The following ROS1 variants were observed in gnomAD, a reference collection of about 807,000 sequenced individuals.
ROS1 encodes ROS proto-oncogene 1, receptor tyrosine kinase, also known as proto-oncogene tyrosine-protein kinase ROS.
In ROS1, 263 loss-of-function variants were observed where a neutral mutation model predicts 273.5. The ratio of observed to expected loss-of-function variants is 0.96; its 90% CI spans 0.87 to 1.06. The LOEUF (loss-of-function observed/expected upper bound fraction) is 1.06, where lower values mean the gene tolerates loss of function less well. ROS1 is among the 50% of genes least tolerant of loss of function. The probability of loss-of-function intolerance (pLI) is 0.00; values close to 1 mark genes in which losing one functional copy is unlikely to be tolerated. For synonymous variants in ROS1, 1,008 were observed against 954.1 expected, an observed-to-expected ratio of 1.06 and a Z score of -1.04; for missense variants, 2,833 against 2,751.1, an observed-to-expected ratio of 1.03 and a Z score of -0.67.
intron 18 of ROS1, among the ~76,000 whole-genome samples, chr6:117,372,020 G>A (rs570797254): frequency 1.4e-4 from 21 of 152,186 alleles, no homozygotes; most frequent in South Asian, 1.0e-3. Flanking sequence ...TACTCTCTTG[G>A]GGGCTCTATA....
chr6:117,386,133 A>G (rs1712743743), intron 15 of ROS1, among the ~76,000 whole-genome samples: 1 of 152,232 alleles, frequency 6.6e-6, no homozygotes, highest in Admixed American at 6.5e-5. Context: ...CTAAAACAAA[A>G]TTATGAAGTA....
chr6:117,326,507 A>C, intron 33 of ROS1, 93 bp from the exon 34 acceptor site: 2 of 765,360 alleles, frequency 2.6e-6, no homozygotes, highest in Non-Finnish European at 3.9e-6. Flanking sequence ...AACGCCAGAG[A>C]GTGTCCTTTG....
rs2128550068 is a variant in ROS1, at chr6:117,311,110, C to G, written c.6125G>C (p.Gly2042Ala). 6.3e-7 allele frequency: 1 copy of G among 1,593,924 alleles called. No homozygotes were observed. Among genetic ancestry groups the G allele is most frequent in the Non-Finnish European group, 8.6e-7 (1 of 1,169,548 alleles). ...AAGGTCAACCAAGGTGAGTAAAGGACCATAAAACTGTAAGAAATGAAAGAA... is the reference window on the plus strand; with the variant it reads ...AAGGTCAACCAAGGTGAGTAAAGGAGCATAAAACTGTAAGAAATGAAAGAA... ...LRKARMATFY[G>A]PLLTLVDLVD... Residue 2042 changes from glycine (G) to alanine (A), a missense_variant, in exon 40 of 44, where the codon GGT (glycine) becomes GCT (alanine). Coordinates refer to ENST00000368507, the MANE Select transcript of ROS1 (RefSeq NM_001378902.1).
intron 18 of ROS1, among the ~76,000 whole-genome samples, chr6:117,369,816 C>A (rs1314862408): frequency 1.3e-5 from 2 of 152,020 alleles, no homozygotes; most frequent in Non-Finnish European, 2.9e-5. Context: ...ATTGATCAAT[C>A]AGATTTGTTG....
chr6:117,308,923 A>G lies in ROS1; in HGVS notation c.6422T>C (p.Phe2141Ser). 3.1e-6 allele frequency: 5 copies of G among 1,612,916 alleles called. No individual in the cohort carries two copies. Among genetic ancestry groups the G allele is most frequent in the Non-Finnish European group, 4.2e-6 (5 of 1,179,374 alleles). ...IFTTQSDVWS[F>S]GILIWEILTL... ...TAAAATCTCCCAAATCAGAATTCCA[A>G]AAGACCTAAGAATAGTAGAGGGTTT... Residue 2141 changes from phenylalanine to serine, a missense_variant, in exon 42 of 44, where the codon TTT becomes TCT. Transcript: ENST00000368507.
At chr6:117,295,508 A>T (rs1774165592) in intron 43 of ROS1, among the ~76,000 whole-genome samples, 1 of 152,198 alleles carries the variant, frequency 6.6e-6, no homozygotes, top group Non-Finnish European at 1.5e-5. Context: ...CAAATTTAAA[A>T]AGCTTCTTCA....
At chr6:117,347,594 C>G (rs1481830821) in intron 27 of ROS1, among the ~76,000 whole-genome samples, 1 of 152,052 alleles carries the variant, frequency 6.6e-6, no homozygotes, top group Non-Finnish European at 1.5e-5. Context: ...CATGCTGTGA[C>G]TTCCACTGCA....
At chr6:117,397,195 T>G in intron 7 of ROS1, 79 bp from the exon 8 acceptor site, 1 of 998,430 alleles carries the variant, frequency 1.0e-6, no homozygotes. Context: ...AAAAAAGTCT[T>G]GTTTTTTTTT....
Position 117,385,372 on chromosome 6 carries a change from T to TG in ROS1, c.2289+310dup, listed in dbSNP as rs1347081873. On this transcript the variant is annotated intron_variant, in intron 16 of 43. Coordinates refer to ENST00000368507, the MANE Select transcript of ROS1 (RefSeq NM_001378902.1). ...GAGTTCGAGACCAGCCTGGCCAACG[T>TG]GGTGAAACCCCATCTCCACTGAAAA... 3.3e-5 allele frequency among the ~76,000 whole-genome samples: 5 copies of TG among 152,096 alleles called. No individual in the cohort carries two copies. The East Asian group carries it at 9.7e-4, about 29-fold the overall frequency.
At chr6:117,310,360 G>T in intron 40 of ROS1, 79 bp from the exon 41 acceptor site, 2 of 1,044,482 alleles carry the variant, frequency 1.9e-6, no homozygotes, top group Non-Finnish European at 2.8e-6. Flanking sequence ...GCCCTAGTAG[G>T]TCTGTAAAGA....
chr6:117,393,690 T>C (rs1344924726), intron 11 of ROS1, among the ~76,000 whole-genome samples: 1 of 152,164 alleles, frequency 6.6e-6, no homozygotes, highest in African/African-American at 2.4e-5. Flanking sequence ...AGACTGTGTC[T>C]TCATCAGCTC....
Position 117,341,261 on chromosome 6 carries a change from G to T in ROS1, c.4935C>A (p.Val1645=). The T allele has an allele frequency of 1.2e-6, 2 of 1,613,642 alleles. No homozygotes were observed. Among genetic ancestry groups the T allele is most frequent in the Non-Finnish European group, 1.7e-6 (2 of 1,179,680 alleles). ...CTGGTGTGTTAAACATTTCCACAGT[G>T]ACAGGATGACTCTCTGTACACCACA... ...EEMWCTESHP[V]TVEMFNTPEK... The change falls in exon 31 of 44, where the codon GTC becomes GTA. Residue 1645 remains valine, a synonymous_variant. Transcript: ENST00000368507.
rs2128659324 is a variant in ROS1, at chr6:117,365,156, G to A, written c.3007C>T (p.Leu1003=). The A allele has an allele frequency of 6.2e-7, 1 of 1,613,104 alleles. No individual in the cohort carries two copies. Among genetic ancestry groups the A allele is most frequent in the Non-Finnish European group, 8.5e-7 (1 of 1,179,146 alleles). Reference sequence around the variant, plus strand: ...AGATTAAATAAGGCATAAGGTTCCAGTCCTTCCACAGTAAATACAGGTAAA... The same window carrying A: ...AGATTAAATAAGGCATAAGGTTCCAATCCTTCCACAGTAAATACAGGTAAA... The part of the protein sequence containing the change: ...HSLPVFTVEG[L]EPYALFNLSV... Residue 1003 remains leucine, a synonymous_variant, in exon 21 of 44, where the codon CTG becomes TTG. Transcript: ENST00000368507.
In ROS1 at chr6:117,394,741, G is replaced by A. The variant is rs370352101; in HGVS notation, c.884-3C>T. Reference sequence around the variant, plus strand: ...GAGCCACTGTTCCTCTTGTTGAACTGAAAAAAACAACACAATTTGCAGACA... The same window carrying A: ...GAGCCACTGTTCCTCTTGTTGAACTAAAAAAAACAACACAATTTGCAGACA... On this transcript the variant is annotated splice_region_variant and splice_polypyrimidine_tract_variant and intron_variant, in intron 9 of 43. Transcript: ENST00000368507. 1.2e-5 allele frequency: 20 copies of A among 1,602,096 alleles called. No homozygotes were observed. The highest frequency in any genetic ancestry group is 9.5e-5 in the African/African-American group (7 of 74,042).
At chr6:117,380,454 G>A (rs2128687417) in intron 17 of ROS1, among the ~76,000 whole-genome samples, 1 of 151,950 alleles carries the variant, frequency 6.6e-6, no homozygotes, top group East Asian at 1.9e-4. Flanking sequence ...CAGCCTTTTA[G>A]GAGTTGAATC....
At chr6:117,362,956 C>T in intron 21 of ROS1, 91 bp from the exon 22 acceptor site, 2 of 1,112,106 alleles carry the variant, frequency 1.8e-6, no homozygotes, top group Non-Finnish European at 2.5e-6. Context: ...TTGTAAACAA[C>T]TTAACAATAT....
rs149281793 is a variant in ROS1, at chr6:117,316,205, C to T, written c.6117+938G>A. 2.9e-3 allele frequency among the ~76,000 whole-genome samples: 443 copies of T among 152,078 alleles called. 1 individual carries two copies. The highest frequency in any genetic ancestry group is 0.01 in the African/African-American group (424 of 41,502). ...GAGAGTTAAATCCTCATCTTCCATACTGGGCAATCAATTTACCCCAAATTG... is the reference window on the plus strand; with the variant it reads ...GAGAGTTAAATCCTCATCTTCCATATTGGGCAATCAATTTACCCCAAATTG... On this transcript the variant is annotated intron_variant, in intron 39 of 43. Coordinates refer to ENST00000368507, the MANE Select transcript of ROS1 (RefSeq NM_001378902.1).
At chr6:117,425,112 G>C (rs1776042518) in intron 1 of ROS1, among the ~76,000 whole-genome samples, 1 of 152,184 alleles carries the variant, frequency 6.6e-6, no homozygotes, top group Non-Finnish European at 1.5e-5. Flanking sequence ...CATGGCAACT[G>C]TATCTGCTTC....
chr6:117,398,024 C>T (rs1160119637), intron 7 of ROS1, among the ~76,000 whole-genome samples: 1 of 152,160 alleles, frequency 6.6e-6, no homozygotes, highest in Non-Finnish European at 1.5e-5. Context: ...TTCTCTGATG[C>T]AATTCATCTC....
Sources: gnomAD v4.1 joint callset for allele counts (sites outside exome capture counted in the v4.1 genomes callset) on GRCh38, gnomAD v4.1.1 for gene constraint, MANE v1.5 for transcripts, NCBI Gene and HGNC (gene_info 2026-07-23, HGNC 2026-07-21) for gene names.